IAPP: variants seen among roughly 807,000 people sequenced by gnomAD.
The protein encoded by IAPP is Islet amyloid polypeptide (diabetes-associated peptide; amylin).
IAPP carries 4 observed loss-of-function variants against 2.9 expected under a neutral mutation model. The ratio of observed to expected loss-of-function variants is 1.39; its 90% CI spans 0.69 to 3.19. IAPP has a LOEUF of 3.19. Among genes scored for constraint, IAPP ranks in the 30% most tolerant of loss-of-function variants. The pLI is 0.01. For missense variants in IAPP, 114 were observed against 105.3 expected (o/e 1.08, Z -0.36); for synonymous variants, 40 against 42.1 (o/e 0.95, Z 0.19).
At chr12:21,360,040 G>T (rs1374724969) in intron 1 of IAPP, among the ~76,000 whole-genome samples, 4 of 151,754 alleles carry the variant, frequency 2.6e-5, no homozygotes, top group Non-Finnish European at 5.9e-5. Context: ...AGGCAAAAAG[G>T]AATACATGCT....
chr12:21,368,301 G>A (rs571749214), upstream of IAPP, among the ~76,000 whole-genome samples: 8 of 152,184 alleles, frequency 5.3e-5, no homozygotes, highest in African/African-American at 9.6e-5. Context: ...GATACCACAC[G>A]TATGCCATCA....
chr12:21,359,641 G>T (rs1157857888), intron 1 of IAPP, among the ~76,000 whole-genome samples: 2 of 152,064 alleles, frequency 1.3e-5, no homozygotes, highest in African/African-American at 4.8e-5. Flanking sequence ...CAGCTACTCG[G>T]GAGGCTGAGG....
chr12:21,375,434 A>G (rs1263691103), intron 2 of IAPP, among the ~76,000 whole-genome samples: 2 of 152,198 alleles, frequency 1.3e-5, no homozygotes, highest in African/African-American at 2.4e-5. Flanking sequence ...AACTCTTTTT[A>G]AAAAATAAAA....
Position 21,379,339 on chromosome 12 carries a change from C to T in IAPP, c.*913C>T, listed in dbSNP as rs1281665548. 6.6e-6 allele frequency: 1 copy of T among 152,148 alleles called. No homozygotes were observed. The highest frequency in any genetic ancestry group is 1.9e-4 in the East Asian group (1 of 5,180). 9.4% of individuals were successfully genotyped at this position (152,148 alleles called of 1,614,324 possible). A position where few individuals can be genotyped will look rare whatever the true frequency, so the allele number is the denominator to read the frequency against. ...TGAGGGTTTCATTGTGTGTTAGCAG[C>T]AGTGAGCTTCTATTAAATGTATATG... is the stretch of plus-strand genomic sequence containing the variant. On this transcript the variant is annotated 3_prime_UTR_variant, in exon 3 of 3. Coordinates refer to ENST00000240652, the MANE Select transcript of IAPP (RefSeq NM_000415.3).
chr12:21,358,746 G>T (rs1938575357), intron 1 of IAPP, among the ~76,000 whole-genome samples: 1 of 136,388 alleles, frequency 7.3e-6, no homozygotes, highest in Non-Finnish European at 1.6e-5. Context: ...AAAGCGGTTT[G>T]TTGGAGATAC....
chr12:21,366,558 T>C (rs373274058), intron 1 of IAPP, among the ~76,000 whole-genome samples: 8 of 151,604 alleles, frequency 5.3e-5, no homozygotes, highest in Non-Finnish European at 1.2e-4. Context: ...AAAATAAAAA[T>C]AAAAAAGAAA....
rs758543378 is a variant in IAPP at position 21,378,458 on chromosome 12, T to G, written c.*32T>G. 3.2e-5 allele frequency: 50 copies of G among 1,545,212 alleles called. No homozygotes were observed. Among genetic ancestry groups the G allele is most frequent in the Non-Finnish European group, 1.8e-6 (2 of 1,117,192 alleles). Reference sequence around the variant, plus strand: ...ATGTAACTCTATAGTTATTGTTTTATGTTCTAGTGATTTCCTGTATAATTT... The same window carrying G: ...ATGTAACTCTATAGTTATTGTTTTAGGTTCTAGTGATTTCCTGTATAATTT... On this transcript the variant is annotated 3_prime_UTR_variant, in exon 3 of 3. Transcript: ENST00000240652.
upstream of IAPP, among the ~76,000 whole-genome samples, chr12:21,371,230 G>A (rs1402531172): frequency 6.6e-6 from 1 of 152,134 alleles, no homozygotes; most frequent in East Asian, 1.9e-4. Context: ...GGCACACTAG[G>A]GGGCGTGTCT....
Position 21,361,053 on chromosome 12 carries a change from G to A in IAPP, c.-16+6040G>A, listed in dbSNP as rs561891761. ...AAGAGAGTTGTGGTTCTCCCAGCAC[G>A]GAGTTTGAGATCTGAGAAAGGAAAG... is the stretch of plus-strand genomic sequence containing the variant. On this transcript the variant is annotated intron_variant, in intron 1 of 2. Transcript: ENST00000539393. 4.6e-5 allele frequency among the ~76,000 whole-genome samples: 7 copies of A among 152,288 alleles called. No individual in the cohort carries two copies. The East Asian group carries it at 5.8e-4, about 13-fold the overall frequency.
intron 1 of IAPP, among the ~76,000 whole-genome samples, chr12:21,359,073 A>G (rs1273651540): frequency 6.6e-6 from 1 of 152,200 alleles, no homozygotes; most frequent in African/African-American, 2.4e-5. Context: ...TGTCCCTGCA[A>G]GTCTAGGGAT....
intron 1 of IAPP, among the ~76,000 whole-genome samples, chr12:21,358,658 T>A (rs1395552414): frequency 6.6e-6 from 1 of 152,000 alleles, no homozygotes; most frequent in Non-Finnish European, 1.5e-5. Flanking sequence ...TTTTTATAAT[T>A]AAAAATTAAC....
chr12:21,374,819 GTC>G (rs71043266), intron 2 of IAPP, among the ~76,000 whole-genome samples: 224 of 147,344 alleles, frequency 1.5e-3, no homozygotes, highest in Non-Finnish European at 1.7e-3. Flanking sequence ...TTGAGACAGG[GTC>G]TCTCTCTCTC....
intron 1 of IAPP, among the ~76,000 whole-genome samples, chr12:21,367,711 A>G (rs933973803): frequency 3.9e-5 from 6 of 152,154 alleles, no homozygotes; most frequent in African/African-American, 1.4e-4. Context: ...CACGCCATTC[A>G]TCAGAAATTA....
At chr12:21,359,734 G>A (rs916305706) in intron 1 of IAPP, among the ~76,000 whole-genome samples, 23 of 145,262 alleles carry the variant, frequency 1.6e-4, no homozygotes, top group African/African-American at 2.6e-4. Context: ...GCGACAGAGC[G>A]AGACTCCGTC....
chr12:21,372,740 C>T (rs991299567), upstream of IAPP: 1 of 154,240 alleles, frequency 6.5e-6, no homozygotes, highest in Non-Finnish European at 1.4e-5. Context: ...TTAATATTTA[C>T]TGATGAGTTA....
At chr12:21,371,053 G>A (rs546728404), upstream of IAPP, among the ~76,000 whole-genome samples, 7 of 152,336 alleles carry the variant, frequency 4.6e-5, no homozygotes, top group East Asian at 3.9e-4. Flanking sequence ...AGCAGCTTAC[G>A]GCGGTTTTGC....
intron 1 of IAPP, among the ~76,000 whole-genome samples, chr12:21,357,380 AC>A (rs1938454339): frequency 6.6e-6 from 1 of 152,216 alleles, no homozygotes; most frequent in African/African-American, 2.4e-5. Flanking sequence ...TTGCCAGCAA[AC>A]TACCAGAAGC....
chr12:21,361,011 C>A (rs1203064363), intron 1 of IAPP, among the ~76,000 whole-genome samples: 2 of 152,176 alleles, frequency 1.3e-5, no homozygotes, highest in African/African-American at 4.8e-5. Flanking sequence ...CTTAAACATC[C>A]CTGTCTGACA....
At chr12:21,376,781 G>A (rs1053628527) in intron 2 of IAPP, among the ~76,000 whole-genome samples, 2 of 151,966 alleles carry the variant, frequency 1.3e-5, no homozygotes, top group Admixed American at 1.3e-4. Context: ...TAAATCCATT[G>A]CATTTGAGTC....
Sources: allele counts gnomAD v4.1 joint callset (sites outside exome capture counted in the v4.1 genomes callset), GRCh38; gene constraint gnomAD v4.1.1; transcripts MANE v1.5; gene names NCBI Gene and HGNC (gene_info 2026-07-23, HGNC 2026-07-21).